NRCAM: variants seen among roughly 807,000 people sequenced by gnomAD.
NRCAM encodes NgCAM-related cell adhesion molecule.
Under a neutral mutation model 156.5 loss-of-function variants are expected in NRCAM, and 83 were observed. The ratio of observed to expected loss-of-function variants is 0.53; its 90% CI spans 0.44 to 0.64. The LOEUF is 0.64. NRCAM is among the 30% of genes least tolerant of loss of function. The pLI, the probability that NRCAM is intolerant of heterozygous loss-of-function variation, is 0.00. For missense variants in NRCAM, 1,417 were observed against 1,597.3 expected (o/e 0.89, Z 1.92); for synonymous variants, 538 against 563.9 (o/e 0.95, Z 0.65).
Position 108,381,537 on chromosome 7 carries a change from T to A in NRCAM, c.-174+17899A>T, listed in dbSNP as rs1206976790. Among the ~76,000 whole-genome samples the A allele has an allele frequency of 4.0e-5, 6 of 151,876 alleles. No homozygotes were observed. The South Asian group carries it at 8.3e-4, about 21-fold the overall frequency. The stretch of plus-strand genomic sequence containing the variant: ...GAGTTGCTTTGAGCTGGTCTTAACA[T>A]TGGCTTTGACCATTTTTTTTTTTCT... On this transcript the variant is annotated intron_variant, in intron 2 of 32. Coordinates refer to ENST00000379028, the MANE Select transcript of NRCAM (RefSeq NM_001037132.4).
At chr7:108,177,560 T>C (rs924253144) in intron 26 of NRCAM, among the ~76,000 whole-genome samples, 2 of 151,316 alleles carry the variant, frequency 1.3e-5, no homozygotes, top group Non-Finnish European at 2.9e-5. Context: ...GAGATGGAGC[T>C]TGCAGTGAGC....
At chr7:108,299,968 T>C (rs1312876007) in intron 3 of NRCAM, among the ~76,000 whole-genome samples, 1 of 152,174 alleles carries the variant, frequency 6.6e-6, no homozygotes, top group Non-Finnish European at 1.5e-5. Flanking sequence ...AACAAGTTAC[T>C]GTGAGGATGA....
At chr7:108,384,750 T>C (rs1407014284) in intron 2 of NRCAM, among the ~76,000 whole-genome samples, 1 of 152,200 alleles carries the variant, frequency 6.6e-6, no homozygotes, top group Admixed American at 6.5e-5. Context: ...CTCTGGGTGA[T>C]GTCCACACTG....
In NRCAM at chr7:108,148,825, A is replaced by C. The variant is rs2039953477; in HGVS notation, c.*1085T>G. Reference sequence around the variant, plus strand: ...TTACTGAATGTAATAGAAACCATAAAGGACCACAAAATCATCATGTGCTTC... The same window carrying C: ...TTACTGAATGTAATAGAAACCATAACGGACCACAAAATCATCATGTGCTTC... On this transcript the variant is annotated 3_prime_UTR_variant, in exon 33 of 33. Transcript: ENST00000379028. 1 of 152,534 alleles carries C rather than the reference A, an allele frequency of 6.6e-6. No individual in the cohort carries two copies. The highest frequency in any genetic ancestry group is 2.1e-4 in the South Asian group (1 of 4,838). The allele number at this position is 152,534 out of a possible 1,614,324, so 9.4% of individuals were successfully genotyped here.
At position 108,180,367 on chromosome 7, in the gene NRCAM, T is replaced by G. The variant is rs773312796; in HGVS notation, c.2707A>C (p.Ile903Leu). Residue 903 changes from isoleucine (I) to leucine (L), a missense_variant, in exon 25 of 33, where the codon ATC (isoleucine) becomes CTC (leucine). Physicochemically the swap from Ile to Leu is conservative, Grantham distance 5 (BLOSUM62 2). Coordinates refer to ENST00000379028, the MANE Select transcript of NRCAM (RefSeq NM_001037132.4). ...GTCTTGCTGCCTTGGAAGGTGAGGA[T>G]CTTTTTCTCAATGTGACGTCTGTTT... ...KRNRRHIEKKILTFQGSKTHG... is the reference protein window; with the variant it reads ...KRNRRHIEKKLLTFQGSKTHG... 9.9e-6 allele frequency: 16 copies of G among 1,614,132 alleles called. No homozygotes were observed. The highest frequency in any genetic ancestry group is 8.5e-7 in the Non-Finnish European group (1 of 1,180,042).
In NRCAM at chr7:108,178,023, T is replaced by G. The variant is rs778459321; in HGVS notation, c.2941A>C (p.Ile981Leu). The change falls in exon 26 of 33, where the codon ATT (isoleucine) becomes CTT (leucine). Residue 981 changes from isoleucine (I) to leucine (L), a missense_variant. Transcript: ENST00000379028. ...EWDPPSHPNG[I>L]LTEYTLKYQP... is the part of the protein sequence containing the mutation. ...TACTTTAAGGTGTACTCTGTCAAAA[T>G]GCCATTCGGGTGGCTCGGTGGATCC... is the stretch of plus-strand genomic sequence containing the variant. 5 of 1,613,500 alleles carry G rather than the reference T, an allele frequency of 3.1e-6. No individual in the cohort carries two copies.
chr7:108,169,356 G>C (rs573385898), intron 28 of NRCAM, among the ~76,000 whole-genome samples: 1 of 152,222 alleles, frequency 6.6e-6, no homozygotes, highest in Non-Finnish European at 1.5e-5. Flanking sequence ...AATTTGGGTA[G>C]TTAAAAAAGA....
chr7:108,431,842 A>G (rs1825657585), intron 1 of NRCAM, among the ~76,000 whole-genome samples: 1 of 152,216 alleles, frequency 6.6e-6, no homozygotes, highest in Admixed American at 6.5e-5. Context: ...AAATGGGACA[A>G]GGCATTATTT....
chr7:108,255,051 AT>A (rs1274316963), intron 3 of NRCAM, among the ~76,000 whole-genome samples: 1 of 152,226 alleles, frequency 6.6e-6, no homozygotes, highest in Non-Finnish European at 1.5e-5. Context: ...TGGTATATTC[AT>A]ATAATGGAAA....
intron 32 of NRCAM, among the ~76,000 whole-genome samples, chr7:108,154,936 G>A (rs2044085316): frequency 6.6e-6 from 1 of 151,892 alleles, no homozygotes; most frequent in South Asian, 2.1e-4. Flanking sequence ...ATGAGGGCTT[G>A]CCTTTTTCAA....
intron 2 of NRCAM, among the ~76,000 whole-genome samples, chr7:108,368,224 A>ACCCCCCCCCCCCCCCCCCCCCCCC (rs67897117): frequency 2.6e-4 from 24 of 91,048 alleles, no homozygotes; most frequent in Non-Finnish European, 3.5e-4. Context: ...ACACTTTCAT[A>ACCCCCCCCCCCCCCCCCCCCCCCC]CCCCCCCCCA....
In NRCAM at chr7:108,168,280, C is replaced by A; in HGVS notation, c.3310G>T (p.Gly1104Cys). ...VNFYVEYGVAGSKEEWRKEIV... is the reference protein window; with the variant it reads ...VNFYVEYGVACSKEEWRKEIV... The stretch of plus-strand genomic sequence containing the variant: ...GGGTAATGAAATTGTTTCTTACTGC[C>A]TGCTACACCATATTCAACATAAAAG... The change falls in exon 29 of 33, where the codon GGC (glycine) becomes TGC (cysteine). Residue 1104 changes from glycine (G) to cysteine (C), a missense_variant. Physicochemically the swap from Gly to Cys is radical, Grantham distance 159. Coordinates refer to ENST00000379028, the MANE Select transcript of NRCAM (RefSeq NM_001037132.4). 1.3e-6 allele frequency: 2 copies of A among 1,565,296 alleles called. No individual in the cohort carries two copies. Among genetic ancestry groups the A allele is most frequent in the Non-Finnish European group, 1.7e-6 (2 of 1,159,336 alleles).
intron 1 of NRCAM, among the ~76,000 whole-genome samples, chr7:108,450,391 C>T (rs184812611): frequency 6.6e-5 from 10 of 151,994 alleles, no homozygotes; most frequent in Admixed American, 2.6e-4. Context: ...TAAGTTGACA[C>T]CACATCTTTT....
intron 2 of NRCAM, among the ~76,000 whole-genome samples, chr7:108,344,647 C>A (rs532099970): frequency 2.0e-5 from 3 of 150,804 alleles, no homozygotes; most frequent in Non-Finnish European, 4.4e-5. Flanking sequence ...GTTTATACTC[C>A]ATACTGACAT....
chr7:108,433,110 T>C (rs1392195423), intron 1 of NRCAM, among the ~76,000 whole-genome samples: 1 of 152,196 alleles, frequency 6.6e-6, no homozygotes, highest in African/African-American at 2.4e-5. Flanking sequence ...GGAGGCTCTC[T>C]TTGTTCCCAC....
At position 108,330,994 on chromosome 7, in the gene NRCAM, A is replaced by C. The variant is rs139713447; in HGVS notation, c.-173-18263T>G. 1.2e-4 allele frequency among the ~76,000 whole-genome samples: 18 copies of C among 152,274 alleles called. 1 individual carries two copies. In the East Asian group the frequency reaches 3.5e-3, roughly 29 times the overall value. On this transcript the variant is annotated intron_variant, in intron 2 of 32. Transcript: ENST00000379028. ...GCTTAGTATCCATTTTAACCATTAT[A>C]TCCTTATAATGCTTAGTATCCATTT...
chr7:108,322,595 T>C (rs775244646), intron 2 of NRCAM, among the ~76,000 whole-genome samples: 1 of 152,118 alleles, frequency 6.6e-6, no homozygotes, highest in African/African-American at 2.4e-5. Flanking sequence ...AAATTATGGC[T>C]TGGGAGGACT....
At chr7:108,153,311 A>T (rs1049963682) in intron 32 of NRCAM, among the ~76,000 whole-genome samples, 4 of 152,158 alleles carry the variant, frequency 2.6e-5, no homozygotes, top group Non-Finnish European at 5.9e-5. Context: ...ATCAATTCAT[A>T]TAATTCATTA....
chr7:108,168,322 C>A lies in NRCAM; in HGVS notation c.3268G>T (p.Gly1090Ter). Reference protein sequence around the residue: ...TYANISWEYEGPEHVNFYVEY... With the variant: ...TYANISWEYE ...ACATAAAAGTTCACATGCTCTGGTC[C>A]CTCATATTCCCAACTGATATTGGCA... Residue 1090 changes from glycine to a stop codon, truncating the protein, a stop_gained, in exon 29 of 33, where the codon GGA becomes TGA. Transcript: ENST00000379028. LOFTEE classifies it high-confidence loss of function. 1.2e-6 allele frequency: 2 copies of A among 1,607,686 alleles called. No individual in the cohort carries two copies. Among genetic ancestry groups the A allele is most frequent in the South Asian group, 1.1e-5 (1 of 89,474 alleles).
Sources: gnomAD v4.1 joint callset for allele counts (sites outside exome capture counted in the v4.1 genomes callset) on GRCh38, gnomAD v4.1.1 for gene constraint, MANE v1.5 for transcripts, NCBI Gene and HGNC (gene_info 2026-07-23, HGNC 2026-07-21) for gene names.